CATSPERB: variants seen among roughly 807,000 people sequenced by gnomAD.
The protein encoded by CATSPERB is cation channel sperm-associated auxiliary subunit beta.
A neutral mutation model predicts 128.3 loss-of-function variants in CATSPERB; 93 were observed. The observed-to-expected ratio is 0.72, with a 90% CI of 0.61 to 0.86. CATSPERB has a LOEUF of 0.86. Among genes scored for constraint, CATSPERB ranks in the 40% least tolerant of loss-of-function variants. The pLI is 0.00. For synonymous variants in CATSPERB, 381 were observed against 448.8 expected, an observed-to-expected ratio of 0.85 and a Z score of 1.91; for missense variants, 1,153 against 1,329.5, an observed-to-expected ratio of 0.87 and a Z score of 2.06.
intron 11 of CATSPERB, among the ~76,000 whole-genome samples, chr14:91,677,923 A>G (rs896291101): frequency 5.9e-5 from 9 of 152,340 alleles, no homozygotes; most frequent in East Asian, 5.8e-4. Flanking sequence ...TGTCCTTTGC[A>G]GGGACATGGA....
chr14:91,699,426 GA>G (rs1298462076), intron 7 of CATSPERB, among the ~76,000 whole-genome samples: 1 of 151,446 alleles, frequency 6.6e-6, no homozygotes. Flanking sequence ...CACAGAATTA[GA>G]AAAAAAATCC....
chr14:91,613,647 G>T (rs1893876990), intron 20 of CATSPERB, among the ~76,000 whole-genome samples: 1 of 152,118 alleles, frequency 6.6e-6, no homozygotes, highest in Non-Finnish European at 1.5e-5. Context: ...CCAACTGACA[G>T]CAAAGAAAAA....
intron 2 of CATSPERB, among the ~76,000 whole-genome samples, chr14:91,726,243 A>C (rs1014559276): frequency 6.6e-6 from 1 of 152,236 alleles, no homozygotes; most frequent in East Asian, 1.9e-4. Flanking sequence ...AGCAAGGCTA[A>C]GATGGTGCAC....
chr14:91,649,331 A>ATGTG (rs55880138), intron 15 of CATSPERB, among the ~76,000 whole-genome samples: 172 of 147,452 alleles, frequency 1.2e-3, no homozygotes, highest in African/African-American at 3.9e-3. Context: ...GTATACATAT[A>ATGTG]TGTGTGTGTG....
At chr14:91,583,576 C>T (rs560417157) in intron 26 of CATSPERB, among the ~76,000 whole-genome samples, 3 of 152,318 alleles carry the variant, frequency 2.0e-5, no homozygotes, top group South Asian at 2.1e-4. Flanking sequence ...TAATCTTCTT[C>T]AACCATCCAA....
intron 14 of CATSPERB, among the ~76,000 whole-genome samples, chr14:91,665,067 T>G (rs376744382): frequency 1.3e-5 from 2 of 149,638 alleles, no homozygotes; most frequent in East Asian, 3.9e-4. Flanking sequence ...TTTTTTTTTA[T>G]TTTTTGGTGG....
chr14:91,637,875 T>G (rs1894406312), intron 16 of CATSPERB, among the ~76,000 whole-genome samples: 1 of 151,906 alleles, frequency 6.6e-6, no homozygotes, highest in Admixed American at 6.6e-5. Context: ...TGGTGAAAAA[T>G]GAGGTAAATG....
chr14:91,698,707 CA>C (rs573672794), intron 7 of CATSPERB, among the ~76,000 whole-genome samples: 298 of 152,194 alleles, frequency 2.0e-3, no homozygotes, highest in African/African-American at 5.7e-3. Flanking sequence ...TTATGTTATT[CA>C]AAAAATATCA....
At chr14:91,638,785 G>A (rs894844576) in intron 16 of CATSPERB, among the ~76,000 whole-genome samples, 17 of 152,124 alleles carry the variant, frequency 1.1e-4, no homozygotes, top group Admixed American at 1.1e-3. Flanking sequence ...CCTTGGCCTG[G>A]GTTGGGAGTA....
intron 4 of CATSPERB, among the ~76,000 whole-genome samples, chr14:91,719,700 T>C (rs559154725): frequency 6.6e-6 from 1 of 152,292 alleles, no homozygotes; most frequent in African/African-American, 2.4e-5. Flanking sequence ...GGCTGAACAT[T>C]GGAAATAATG....
chr14:91,700,602 A>G (rs1403496617), intron 7 of CATSPERB, among the ~76,000 whole-genome samples: 1 of 152,114 alleles, frequency 6.6e-6, no homozygotes, highest in Non-Finnish European at 1.5e-5. Context: ...TCAATGGTGG[A>G]CTGGATAAAG....
intron 20 of CATSPERB, 92 bp from the exon 21 acceptor site, chr14:91,610,769 T>G: frequency 8.7e-7 from 1 of 1,148,172 alleles, no homozygotes. Flanking sequence ...AACCCCAACC[T>G]CCAGTATCTC....
rs779503396 is a variant in CATSPERB, at chr14:91,624,824, T to C, written c.1926A>G (p.Ser642=). 14 of 1,589,068 alleles carry C rather than the reference T, an allele frequency of 8.8e-6. No homozygotes were observed. The highest frequency in any genetic ancestry group is 1.0e-5 in the Non-Finnish European group (12 of 1,172,606). The change falls in exon 18 of 27, where the codon TCA becomes TCG. Residue 642 remains serine (S), a synonymous_variant. Coordinates refer to ENST00000256343, the MANE Select transcript of CATSPERB (RefSeq NM_024764.4). ...AGNVYKLTLD[S]QVVQALFEDT... ...GTATGATATTATTATACCTACCTTG[T>C]GAATCAAGAGTGAGTTTATAGACAT...
intron 17 of CATSPERB, among the ~76,000 whole-genome samples, chr14:91,632,840 C>T (rs911439002): frequency 6.6e-5 from 10 of 151,504 alleles, no homozygotes; most frequent in South Asian, 2.1e-4. Flanking sequence ...CACACATACA[C>T]ACCAGCAAAT....
intron 15 of CATSPERB, among the ~76,000 whole-genome samples, chr14:91,654,983 G>A (rs1172431861): frequency 3.8e-5 from 3 of 78,812 alleles, no homozygotes; most frequent in Middle Eastern, 6.2e-3. Context: ...GTCTCTTCCT[G>A]TAATACCTGG....
rs113328872 is a variant in CATSPERB at position 91,674,073 on chromosome 14, C to G, written c.978+103G>C. ...CTGGGAGCAAAGAGTGATTGTGAAG[C>G]CTTTCAGTCTGTAGAATTGCCATTT... On this transcript the variant is annotated intron_variant, in intron 12 of 26. Transcript: ENST00000256343. The G allele has an allele frequency of 8.0e-5, 53 of 665,074 alleles. 3 individuals carry two copies. Among genetic ancestry groups the G allele is most frequent in the African/African-American group, 5.0e-4 (27 of 53,484 alleles). The allele number at this position is 665,074 out of a possible 1,614,324, so 41.2% of individuals were successfully genotyped here.
At position 91,610,597 on chromosome 14, in the gene CATSPERB, G is replaced by A; in HGVS notation, c.2481C>T (p.Ser827=). The A allele has an allele frequency of 1.9e-6, 3 of 1,613,426 alleles. No homozygotes were observed. The highest frequency in any genetic ancestry group is 2.5e-6 in the Non-Finnish European group (3 of 1,179,520). ...FVTTMVPTLK[S]SCSYLRSMHH... Reference sequence around the variant, plus strand: ...GCATAGATCTGAGATAACTACAGCTGCTTTTCAGTGTTGGCACCATTGTCG... The same window carrying A: ...GCATAGATCTGAGATAACTACAGCTACTTTTCAGTGTTGGCACCATTGTCG... Residue 827 remains serine, a synonymous_variant, in exon 21 of 27, where the codon AGC becomes AGT. Coordinates refer to ENST00000256343, the MANE Select transcript of CATSPERB (RefSeq NM_024764.4).
intron 2 of CATSPERB, among the ~76,000 whole-genome samples, chr14:91,727,813 T>C (rs1595195781): frequency 7.3e-6 from 1 of 136,456 alleles, no homozygotes; most frequent in African/African-American, 2.7e-5. Flanking sequence ...TGGATTTAGA[T>C]GTTATTTTAT....
At chr14:91,596,912 A>T (rs1284257079) in intron 22 of CATSPERB, among the ~76,000 whole-genome samples, 1 of 150,972 alleles carries the variant, frequency 6.6e-6, no homozygotes, top group Non-Finnish European at 1.5e-5. Context: ...TTTGAGACAG[A>T]GTCTCGCACT....
Sources: gnomAD v4.1 joint callset for allele counts (sites outside exome capture counted in the v4.1 genomes callset) on GRCh38, gnomAD v4.1.1 for gene constraint, MANE v1.5 for transcripts, NCBI Gene and HGNC (gene_info 2026-07-23, HGNC 2026-07-21) for gene names.